The following KIAA1217 variants were observed in gnomAD, a reference collection of about 807,000 sequenced individuals.
KIAA1217 encodes sickle tail protein homolog.
Under a neutral mutation model 163.9 loss-of-function variants are expected in KIAA1217, and 88 were observed. That is an observed-to-expected ratio of 0.54 (90% CI 0.45 to 0.64). KIAA1217 has a LOEUF of 0.64. KIAA1217 is among the 30% of genes least tolerant of loss of function. The pLI, the probability that KIAA1217 is intolerant of heterozygous loss-of-function variation, is 0.00. For synonymous variants in KIAA1217, 903 were observed against 923.1 expected (o/e 0.98, Z 0.39); for missense variants, 2,372 against 2,475.0 (o/e 0.96, Z 0.88).
chr10:24,355,728 C>CTTTTTTTTTT lies in KIAA1217; in HGVS notation c.355-25112_355-25103dup, dbSNP rs869211148. 4.7e-3 allele frequency among the ~76,000 whole-genome samples: 151 copies of CTTTTTTTTTT among 32,218 alleles called. 56 individuals are homozygous for CTTTTTTTTTT. Among genetic ancestry groups the CTTTTTTTTTT allele is most frequent in the Middle Eastern group, 0.042 (2 of 48 alleles). The allele number at this position is 32,218 out of a possible 152,430, so 21.1% of individuals were successfully genotyped here. A position where few individuals can be genotyped will look rare whatever the true frequency, so the allele number is the denominator to read the frequency against. On this transcript the variant is annotated intron_variant, in intron 2 of 20. Coordinates refer to ENST00000376454, the MANE Select transcript of KIAA1217 (RefSeq NM_019590.5). The stretch of plus-strand genomic sequence containing the variant: ...GAGATGAGCATAGCAAGTCCTCACT[C>CTTTTTTTTTT]TTTTTTTTTTTTTTTTTTTTTTTTT...
chr10:23,844,734 G>T (rs1010138646), intron 1 of KIAA1217, among the ~76,000 whole-genome samples: 2 of 150,556 alleles, frequency 1.3e-5, no homozygotes, highest in Admixed American at 6.7e-5. Flanking sequence ...GTGGCTCAAC[G>T]TTTAATTTTT....
chr10:24,127,491 TATG>T (rs1415463155), intron 2 of KIAA1217, among the ~76,000 whole-genome samples: 6 of 152,208 alleles, frequency 3.9e-5, no homozygotes, highest in African/African-American at 1.2e-4. Context: ...CCTGGAATCC[TATG>T]ATTTTTCTAC....
At chr10:24,355,396 C>A (rs1404590083) in intron 2 of KIAA1217, among the ~76,000 whole-genome samples, 1 of 152,222 alleles carries the variant, frequency 6.6e-6, no homozygotes, top group East Asian at 1.9e-4. Context: ...AGGGTGCCAG[C>A]ATGGTCAGGT....
At chr10:24,200,040 T>TC (rs578214846) in intron 2 of KIAA1217, among the ~76,000 whole-genome samples, 4 of 151,646 alleles carry the variant, frequency 2.6e-5, no homozygotes, top group East Asian at 1.9e-4. Context: ...ACACTGTCCT[T>TC]CCCCCCCATG....
At chr10:23,753,808 T>A (rs1050982312) in intron 1 of KIAA1217, among the ~76,000 whole-genome samples, 3 of 152,234 alleles carry the variant, frequency 2.0e-5, no homozygotes, top group Non-Finnish European at 2.9e-5. Flanking sequence ...ACGTCTCCTG[T>A]GATTTTTAAA....
intron 2 of KIAA1217, among the ~76,000 whole-genome samples, chr10:24,070,297 A>T (rs907586496): frequency 1.3e-5 from 2 of 152,170 alleles, no homozygotes; most frequent in Non-Finnish European, 2.9e-5. Context: ...ATAAAAAAAA[A>T]AGAGATATTA....
At chr10:23,946,040 G>GTGGTTTTTGCCATTAATAGTTA (rs1417263988) in intron 1 of KIAA1217, among the ~76,000 whole-genome samples, 1 of 152,088 alleles carries the variant, frequency 6.6e-6, no homozygotes, top group African/African-American at 2.4e-5. Context: ...AATAGTAATT[G>GTGGTTTTTGCCATTAATAGTTA]TGGTTTTTGC....
chr10:24,377,257 C>T (rs554294553), intron 2 of KIAA1217, among the ~76,000 whole-genome samples: 22 of 152,148 alleles, frequency 1.4e-4, no homozygotes, highest in Non-Finnish European at 2.5e-4. Flanking sequence ...GAAGTCTTTA[C>T]AAGGTTGTGA....
intron 1 of KIAA1217, among the ~76,000 whole-genome samples, chr10:23,785,252 T>G (rs10741033): frequency 0.28 from 42,282 of 152,002 alleles, 6,312 homozygotes; most frequent in African/African-American, 0.38. Flanking sequence ...CCAGACCCTT[T>G]GCTTGGAGTA....
At chr10:24,038,899 A>G (rs1389317457) in intron 2 of KIAA1217, among the ~76,000 whole-genome samples, 4 of 152,124 alleles carry the variant, frequency 2.6e-5, no homozygotes, top group African/African-American at 9.6e-5. Flanking sequence ...ATGTGCCACC[A>G]TGCCCGGCTA....
At chr10:24,114,453 A>G (rs1046636303) in intron 2 of KIAA1217, among the ~76,000 whole-genome samples, 1 of 152,196 alleles carries the variant, frequency 6.6e-6, no homozygotes, top group African/African-American at 2.4e-5. Flanking sequence ...TCTCACTTAC[A>G]GACCCCCCCT....
At chr10:23,944,167 G>T (rs1234285136) in intron 1 of KIAA1217, among the ~76,000 whole-genome samples, 1 of 152,194 alleles carries the variant, frequency 6.6e-6, no homozygotes, top group African/African-American at 2.4e-5. Context: ...GCTCATGCCT[G>T]CAATCCCAGC....
At chr10:24,540,934 A>G (rs1429500525) in intron 17 of KIAA1217, among the ~76,000 whole-genome samples, 1 of 151,140 alleles carries the variant, frequency 6.6e-6, no homozygotes, top group East Asian at 2.0e-4. Context: ...GTGCCCAGCT[A>G]ATTTTTATAT....
intron 3 of KIAA1217, among the ~76,000 whole-genome samples, chr10:24,390,549 A>AATAG (rs200748616): frequency 1.1e-5 from 1 of 93,346 alleles, no homozygotes; most frequent in Non-Finnish European, 1.9e-5. Context: ...AGGAAATTTC[A>AATAG]AAAGAAAGGG....
At chr10:24,340,570 TC>T (rs1383275192) in intron 2 of KIAA1217, among the ~76,000 whole-genome samples, 1 of 152,082 alleles carries the variant, frequency 6.6e-6, no homozygotes, top group East Asian at 1.9e-4. Flanking sequence ...CCGGTTAATA[TC>T]CCTGCAGTTC....
At chr10:23,751,208 A>G (rs572266462) in intron 1 of KIAA1217, among the ~76,000 whole-genome samples, 70 of 151,998 alleles carry the variant, frequency 4.6e-4, no homozygotes, top group African/African-American at 1.6e-3. Flanking sequence ...TTTTATTTTT[A>G]GTAAAGCTGG....
rs1049316063 is a variant in KIAA1217 at position 24,225,834 on chromosome 10, C to A, written c.354+5925C>A. Reference sequence around the variant, plus strand: ...TAGAATAATCTTCTGGAGGTAGAAACCTTGTCTTACCACCCATTTCTTCTT... The same window carrying A: ...TAGAATAATCTTCTGGAGGTAGAAAACTTGTCTTACCACCCATTTCTTCTT... On this transcript the variant is annotated intron_variant, in intron 2 of 20. Transcript: ENST00000376454. Among the ~76,000 whole-genome samples the A allele has an allele frequency of 1.5e-4, 23 of 152,254 alleles. No individual in the cohort carries two copies. In the South Asian group the frequency reaches 4.6e-3, roughly 30 times the overall value.
chr10:24,128,769 C>A (rs1055383447), intron 2 of KIAA1217, among the ~76,000 whole-genome samples: 4 of 152,216 alleles, frequency 2.6e-5, no homozygotes, highest in Admixed American at 2.6e-4. Context: ...CAAGCTTGAA[C>A]TGGGAGCAGG....
chr10:24,329,524 TA>T (rs772571155), intron 2 of KIAA1217, among the ~76,000 whole-genome samples: 16 of 152,124 alleles, frequency 1.1e-4, no homozygotes, highest in Non-Finnish European at 2.1e-4. Flanking sequence ...TTTACAGACC[TA>T]AAGGGGCAAT....
Sources: gnomAD v4.1 joint callset for allele counts (sites outside exome capture counted in the v4.1 genomes callset) on GRCh38, gnomAD v4.1.1 for gene constraint, MANE v1.5 for transcripts, NCBI Gene and HGNC (gene_info 2026-07-23, HGNC 2026-07-21) for gene names.